Variants in DNASE1 observed in about 807,000 individuals in gnomAD.
DNASE1 encodes deoxyribonuclease 1, also known as deoxyribonuclease-1.
In DNASE1, 40 loss-of-function variants were observed where a neutral mutation model predicts 33.9. The ratio of observed to expected loss-of-function variants is 1.18; its 90% CI spans 0.92 to 1.54. The LOEUF (loss-of-function observed/expected upper bound fraction) is 1.54, where lower values mean the gene tolerates loss of function less well. Among genes scored for constraint, DNASE1 ranks in the 40% most tolerant of loss-of-function variants. The pLI is 0.00. For synonymous variants in DNASE1, 216 were observed against 160.0 expected, an observed-to-expected ratio of 1.35 and a Z score of -2.64; for missense variants, 518 against 372.6, an observed-to-expected ratio of 1.39 and a Z score of -3.21.
Position 3,657,957 on chromosome 16 carries a change from GCCCCT to G in DNASE1, c.*9_*13del. On this transcript the variant is annotated 3_prime_UTR_variant, in exon 9 of 9. Coordinates refer to ENST00000246949, the MANE Select transcript of DNASE1 (RefSeq NM_005223.4). ...AGTGGAGGTGATGCTGAAGTGAGCAGCCCCTCCCCACACCAGTTGAACTGCAGGAA... is the reference window on the plus strand; with the variant it reads ...AGTGGAGGTGATGCTGAAGTGAGCAGCCCCACACCAGTTGAACTGCAGGAA... 1 of 1,613,814 alleles carries G rather than the reference GCCCCT, an allele frequency of 6.2e-7. No individual in the cohort carries two copies. Among genetic ancestry groups the G allele is most frequent in the South Asian group, 1.1e-5 (1 of 91,058 alleles).
At chr16:3,626,236 G>C (rs781018843) in intron 1 of DNASE1, among the ~76,000 whole-genome samples, 1 of 151,682 alleles carries the variant, frequency 6.6e-6, no homozygotes, top group African/African-American at 2.4e-5. Context: ...CAAGAGACTT[G>C]AGTGGCCAAC....
At chr16:3,627,331 A>G (rs1305743692) in intron 1 of DNASE1, among the ~76,000 whole-genome samples, 3 of 149,190 alleles carry the variant, frequency 2.0e-5, no homozygotes, top group Non-Finnish European at 4.4e-5. Context: ...GCTGGAGTGC[A>G]GTGGCATGAT....
chr16:3,629,616 C>T (rs1029704691), intron 1 of DNASE1, among the ~76,000 whole-genome samples: 5 of 152,168 alleles, frequency 3.3e-5, no homozygotes, highest in African/African-American at 1.2e-4. Flanking sequence ...GTATTTCTTA[C>T]TCTCCACTTT....
downstream of DNASE1, chr16:3,662,292 T>A: frequency 1.2e-6 from 1 of 858,678 alleles, no homozygotes; most frequent in East Asian, 2.7e-5. Context: ...ACCCACTAAC[T>A]TGTGGGCCCT....
upstream of DNASE1, among the ~76,000 whole-genome samples, chr16:3,641,602 G>T (rs2042024416): frequency 6.6e-6 from 1 of 152,248 alleles, no homozygotes; most frequent in Admixed American, 6.5e-5. Context: ...TCTCCATGTA[G>T]TTCAGCCCCA....
chr16:3,662,569 T>C (rs936468822), downstream of DNASE1: 57 of 589,512 alleles, frequency 9.7e-5, no homozygotes, highest in Admixed American at 1.2e-3. Context: ...TCCTGAGGGC[T>C]GGGGTAGCAT....
At chr16:3,638,129 G>GTC, upstream of DNASE1, among the ~76,000 whole-genome samples, 1 of 151,570 alleles carries the variant, frequency 6.6e-6, no homozygotes, top group South Asian at 2.1e-4. Context: ...GTGTGTGTGT[G>GTC]TGTGTGTGTG....
chr16:3,637,129 A>C (rs904641516), intron 1 of DNASE1, among the ~76,000 whole-genome samples: 4 of 152,118 alleles, frequency 2.6e-5, no homozygotes, highest in African/African-American at 9.7e-5. Flanking sequence ...ATCTCAAAAA[A>C]AAAAGAAAAG....
At chr16:3,612,043 G>T (rs144401185) in intron 1 of DNASE1, 1 of 152,314 alleles carries the variant, frequency 6.6e-6, no homozygotes, top group Admixed American at 6.5e-5. Flanking sequence ...GGAGGTCGGG[G>T]AGGGTTAGCT....
At chr16:3,648,274 C>T (rs938782466) in intron 1 of DNASE1, among the ~76,000 whole-genome samples, 3 of 151,970 alleles carry the variant, frequency 2.0e-5, no homozygotes, top group African/African-American at 7.3e-5. Flanking sequence ...TGAAAAGCCA[C>T]TGCAGTGGCC....
downstream of DNASE1, chr16:3,662,777 G>C (rs1261164353): frequency 9.4e-7 from 1 of 1,064,902 alleles, no homozygotes; most frequent in Non-Finnish European, 1.4e-6. Context: ...GGCTTCTGCT[G>C]CTGCTGGAAG....
chr16:3,654,736 C>T lies in DNASE1; in HGVS notation c.-310C>T, dbSNP rs1015584403. ...AAACCTGTGCTTACAGAAAGAAACA[C>T]GTGCTAGCAACCCACCTATGCGGAA... On this transcript the variant is annotated 5_prime_UTR_variant, in exon 1 of 9. It adds an upstream start codon to the 5' untranslated region. Coordinates refer to ENST00000246949, the MANE Select transcript of DNASE1 (RefSeq NM_005223.4). The T allele has an allele frequency of 1.3e-5, 5 of 399,282 alleles. No individual in the cohort carries two copies. The highest frequency in any genetic ancestry group is 1.3e-4 in the South Asian group (1 of 7,896). The allele number at this position is 399,282 out of a possible 1,614,324, so 24.7% of individuals were successfully genotyped here.
upstream of DNASE1, chr16:3,652,184 G>A (rs2042357916): frequency 6.6e-6 from 1 of 152,460 alleles, no homozygotes; most frequent in Non-Finnish European, 1.5e-5. Context: ...AGCAGATGGG[G>A]CAGCATTTGG....
intron 1 of DNASE1, among the ~76,000 whole-genome samples, chr16:3,634,718 T>G (rs1392504284): frequency 6.6e-6 from 1 of 151,824 alleles, no homozygotes; most frequent in Non-Finnish European, 1.5e-5. Flanking sequence ...TCTCGCTATG[T>G]TGCCCAGGCT....
In DNASE1 at chr16:3,654,814, C is replaced by T. The variant is rs931074877; in HGVS notation, c.-232C>T. The T allele has an allele frequency of 4.7e-5, 19 of 403,382 alleles. No individual in the cohort carries two copies. Among genetic ancestry groups the T allele is most frequent in the Non-Finnish European group, 8.3e-5 (19 of 229,484 alleles). The allele number at this position is 403,382 out of a possible 1,614,324, so 25.0% of individuals were successfully genotyped here. On this transcript the variant is annotated 5_prime_UTR_variant, in exon 1 of 9. Coordinates refer to ENST00000246949, the MANE Select transcript of DNASE1 (RefSeq NM_005223.4). ...CTCTCAGGTGACGGCTCACATTTGC[C>T]CCAGGGAAGGTCACAGCTGCCTGAA... is the stretch of plus-strand genomic sequence containing the variant.
At chr16:3,660,689 C>A (rs528799501), downstream of DNASE1, 1 of 152,144 alleles carries the variant, frequency 6.6e-6, no homozygotes, top group Non-Finnish European at 1.5e-5. Context: ...GATGCATCTC[C>A]CTCGCCTCCA....
chr16:3,638,595 C>T (rs570963402), upstream of DNASE1, among the ~76,000 whole-genome samples: 1 of 152,332 alleles, frequency 6.6e-6, no homozygotes, highest in South Asian at 2.1e-4. Context: ...GCCTCGGCCT[C>T]CCAAAGTGCT....
At chr16:3,644,122 TCTA>T (rs2042101513) in intron 1 of DNASE1, among the ~76,000 whole-genome samples, 1 of 152,148 alleles carries the variant, frequency 6.6e-6, no homozygotes, top group African/African-American at 2.4e-5. Flanking sequence ...TAATGGAAGT[TCTA>T]AAACAGAAAA....
chr16:3,663,583 C>T (rs376788607), exon 10 of DNASE1: 1 of 1,613,076 alleles, frequency 6.2e-7, no homozygotes, highest in East Asian at 2.2e-5. Context: ...CCAAGAGCAG[C>T]TCCATCAGAC....
Sources: gnomAD v4.1 joint callset for allele counts (sites outside exome capture counted in the v4.1 genomes callset) on GRCh38, gnomAD v4.1.1 for gene constraint, MANE v1.5 for transcripts, NCBI Gene and HGNC (gene_info 2026-07-23, HGNC 2026-07-21) for gene names.